Variants in TEX10 observed in about 807,000 individuals in gnomAD.
TEX10 encodes the protein testis expressed 10.
In TEX10, 24 loss-of-function variants were observed where a neutral mutation model predicts 104.4. The observed-to-expected ratio is 0.23, with a 90% CI of 0.17 to 0.32. The LOEUF (loss-of-function observed/expected upper bound fraction) is 0.32, where lower values mean the gene tolerates loss of function less well. TEX10 is among the 10% of genes least tolerant of loss of function. The pLI is 1.00. For missense variants in TEX10, 921 were observed against 1,083.9 expected, an observed-to-expected ratio of 0.85 and a Z score of 2.11; for synonymous variants, 396 against 393.4, an observed-to-expected ratio of 1.01 and a Z score of -0.08.
Position 100,303,696 on chromosome 9 carries a change from G to A in TEX10, c.2612C>T (p.Ala871Val), listed in dbSNP as rs1247615045. 3 of 1,614,036 alleles carry A rather than the reference G, an allele frequency of 1.9e-6. No individual in the cohort carries two copies. The South Asian group carries it at 3.3e-5, about 18-fold the overall frequency. Residue 871 changes from alanine (A) to valine (V), a missense_variant, in exon 14 of 15, where the codon GCA (alanine) becomes GTA (valine). By Grantham distance (64) the Ala-to-Val change is moderately conservative. Coordinates refer to ENST00000374902, the MANE Select transcript of TEX10 (RefSeq NM_017746.4). ...GGTCAACATATGAGTCCTGAGGGGT[G>A]CATGCTGAAGCAGCAGTCGAAGCAG... ...GQLLRLLLQHAPLRTHMLTNA... is the reference protein window; with the variant it reads ...GQLLRLLLQHVPLRTHMLTNA...
chr9:100,346,680 G>T lies in TEX10; in HGVS notation c.893+14C>A. On this transcript the variant is annotated intron_variant, in intron 3 of 14. Coordinates refer to ENST00000374902, the MANE Select transcript of TEX10 (RefSeq NM_017746.4). ...ACAGCAAAACTGTGTGGACATAACTGAAATCCTTCTTACCGTAGCCTGAAC... is the reference window on the plus strand; with the variant it reads ...ACAGCAAAACTGTGTGGACATAACTTAAATCCTTCTTACCGTAGCCTGAAC... 6.3e-7 allele frequency: 1 copy of T among 1,593,478 alleles called. No homozygotes were observed. The highest frequency in any genetic ancestry group is 8.5e-7 in the Non-Finnish European group (1 of 1,169,998).
chr9:100,306,941 T>A (rs1230185829), intron 13 of TEX10: 1 of 152,178 alleles, frequency 6.6e-6, no homozygotes, highest in African/African-American at 2.4e-5. Flanking sequence ...AAATAACAAA[T>A]AGCAATACAC....
In TEX10 at chr9:100,302,217, G is replaced by A. The variant is rs369754553; in HGVS notation, c.2764C>T (p.Pro922Ser). 8.1e-6 allele frequency: 13 copies of A among 1,612,044 alleles called. No individual in the cohort carries two copies. The highest frequency in any genetic ancestry group is 1.0e-5 in the Non-Finnish European group (12 of 1,178,714). Residue 922 changes from proline to serine, a missense_variant, in exon 15 of 15, where the codon CCC becomes TCC. Physicochemically the swap from Pro to Ser is moderately conservative, Grantham distance 74. Coordinates refer to ENST00000374902, the MANE Select transcript of TEX10 (RefSeq NM_017746.4). ...CAATACACTGTAGCCAGTGCACTGG[G>A]CCCTTGGGGATGCCCAGTGATATAC... ...NVYITGHPQG[P>S]SALATVY
intron 13 of TEX10, chr9:100,304,957 AG>A (rs1371068639): frequency 6.6e-6 from 1 of 152,246 alleles, no homozygotes; most frequent in African/African-American, 2.4e-5. Context: ...ATTAAACTTA[AG>A]AACAAGAGAA....
chr9:100,348,104 T>C (rs1369921567), intron 2 of TEX10, among the ~76,000 whole-genome samples: 2 of 152,238 alleles, frequency 1.3e-5, no homozygotes, highest in South Asian at 2.1e-4. Flanking sequence ...TTCTGATATA[T>C]GCTACAAGCT....
At position 100,302,145 on chromosome 9, in the gene TEX10, G is replaced by GAT. The variant is rs1564198742; in HGVS notation, c.*44_*45dup. ...TACATCAGTCTTTTTCTTCAAATAA[G>GAT]ATAGATGTGAATAAACAACTTCAAA... On this transcript the variant is annotated 3_prime_UTR_variant, in exon 15 of 15. Transcript: ENST00000374902. The GAT allele has an allele frequency of 1.7e-6, 2 of 1,153,126 alleles. No individual in the cohort carries two copies. The highest frequency in any genetic ancestry group is 2.5e-6 in the Non-Finnish European group (2 of 813,686). 71.4% of individuals were successfully genotyped at this position (1,153,126 alleles called of 1,614,324 possible). A position where few individuals can be genotyped will look rare whatever the true frequency, so the allele number is the denominator to read the frequency against.
chr9:100,316,894 T>TTA (rs1554734890), intron 11 of TEX10, among the ~76,000 whole-genome samples: 1 of 53,466 alleles, frequency 1.9e-5, no homozygotes, highest in African/African-American at 7.9e-5. Flanking sequence ...TTATAATAGC[T>TTA]AAAAAAAAAA....
intron 13 of TEX10, chr9:100,305,722 G>A (rs1005225873): frequency 3.9e-5 from 6 of 152,240 alleles, no homozygotes; most frequent in African/African-American, 1.4e-4. Flanking sequence ...AAAACTGTAT[G>A]TGGGATTTTA....
At chr9:100,343,825 C>G (rs765124879) in intron 4 of TEX10, among the ~76,000 whole-genome samples, 4 of 152,106 alleles carry the variant, frequency 2.6e-5, no homozygotes, top group Non-Finnish European at 5.9e-5. Flanking sequence ...ACATCAATGC[C>G]AAGCAATGCT....
rs1263970289 is a variant in TEX10 at position 100,352,509 on chromosome 9, G to A, written c.-10+263C>T. ...AAGTGGGGCCCGATTCACACACTCCGGGCTAAAACTCTCTCGGACCCGAAA... is the reference window on the plus strand; with the variant it reads ...AAGTGGGGCCCGATTCACACACTCCAGGCTAAAACTCTCTCGGACCCGAAA... On this transcript the variant is annotated intron_variant, in intron 1 of 14. Coordinates refer to ENST00000374902, the MANE Select transcript of TEX10 (RefSeq NM_017746.4). The A allele has an allele frequency of 1.9e-6, 3 of 1,550,862 alleles. No individual in the cohort carries two copies. The East Asian group carries it at 7.3e-5, about 38-fold the overall frequency.
chr9:100,349,367 C>A lies in TEX10; in HGVS notation c.-4G>T. The stretch of plus-strand genomic sequence containing the variant: ...GGCGTTTTCTTTTTTTAGTCATTCT[C>A]GACTACTATAATGAAAAGAATTAAT... On this transcript the variant is annotated 5_prime_UTR_variant, in exon 2 of 15. Transcript: ENST00000374902. The A allele has an allele frequency of 1.3e-6, 2 of 1,560,430 alleles. No individual in the cohort carries two copies. Among genetic ancestry groups the A allele is most frequent in the South Asian group, 1.2e-5 (1 of 82,178 alleles).
At chr9:100,310,623 A>G (rs1834254691) in intron 11 of TEX10, among the ~76,000 whole-genome samples, 1 of 152,024 alleles carries the variant, frequency 6.6e-6, no homozygotes, top group Admixed American at 6.6e-5. Flanking sequence ...TTCTTAGTAG[A>G]GATGGGGTTC....
intron 14 of TEX10, 124 bp downstream of exon 14, chr9:100,303,508 G>T (rs1190190508): frequency 2.8e-6 from 3 of 1,058,592 alleles, no homozygotes; most frequent in South Asian, 1.4e-5. Flanking sequence ...ACCATATTGG[G>T]ATTAATTCCT....
At chr9:100,310,242 A>G in intron 12 of TEX10, 57 bp downstream of exon 12, 4 of 1,431,338 alleles carry the variant, frequency 2.8e-6, no homozygotes, top group South Asian at 1.2e-5. Context: ...GGAAAACTCT[A>G]TTCTAACCAA....
intron 7 of TEX10, among the ~76,000 whole-genome samples, chr9:100,328,706 T>A (rs918169669): frequency 6.6e-6 from 1 of 152,206 alleles, no homozygotes; most frequent in Admixed American, 6.5e-5. Context: ...TATTGAAAAA[T>A]TCCTTAGTCC....
intron 14 of TEX10, 90 bp from the exon 15 acceptor site, chr9:100,302,394 G>C (rs1834010989): frequency 3.5e-6 from 3 of 850,186 alleles, no homozygotes; most frequent in African/African-American, 1.7e-5. Flanking sequence ...CAATTTCCCA[G>C]AGCTTTGGCA....
Position 100,346,179 on chromosome 9 carries a change from C to A in TEX10, c.1030G>T (p.Val344Phe). 6.2e-7 allele frequency: 1 copy of A among 1,614,018 alleles called. No homozygotes were observed. Among genetic ancestry groups the A allele is most frequent in the Non-Finnish European group, 8.5e-7 (1 of 1,179,940 alleles). ...EAVPPQLATP[V>F]GNGIEREPLQ... ...GGTTCTCGTTCTATACCATTCCCAA[C>A]AGGAGTAGCTAGTTGTGGAGGTACA... Residue 344 changes from valine to phenylalanine, a missense_variant, in exon 4 of 15, where the codon GTT becomes TTT. Physicochemically the swap from Val to Phe is conservative, Grantham distance 50. Around this residue, in one of 3 missense-constraint regions of TEX10, gnomAD observed 753 missense variants for 868.4 expected, o/e 0.87. Coordinates refer to ENST00000374902, the MANE Select transcript of TEX10 (RefSeq NM_017746.4).
At position 100,347,458 on chromosome 9, in the gene TEX10, T is replaced by C. The variant is rs763035204; in HGVS notation, c.181-52A>G. The C allele has an allele frequency of 4.2e-6, 6 of 1,414,044 alleles. No homozygotes were observed. In the South Asian group the frequency reaches 9.1e-5, roughly 21 times the overall value. 87.6% of individuals were successfully genotyped at this position (1,414,044 alleles called of 1,614,324 possible). ...TGTATACTTATATACATGTATCAAT[T>C]TCACGTAAACATGCTAACTAACACT... On this transcript the variant is annotated intron_variant, in intron 2 of 14. Transcript: ENST00000374902.
In TEX10 at chr9:100,303,814, T is replaced by C. The variant is rs369760061; in HGVS notation, c.2494A>G (p.Ile832Val). The change falls in exon 14 of 15, where the codon ATC (isoleucine) becomes GTC (valine). Residue 832 changes from isoleucine (I) to valine (V), a missense_variant. Physicochemically the swap from Ile to Val is conservative, Grantham distance 29 (BLOSUM62 3). Around this residue, in one of 3 missense-constraint regions of TEX10, gnomAD observed 753 missense variants for 868.4 expected, o/e 0.87. Transcript: ENST00000374902. The part of the protein sequence containing the change: ...RDKLWGVCVS[I>V]LALLPRVLRL... ...AGGACTCGAGGCAAGAGAGCCAGGA[T>C]GGAGACACAGACCCCCCACAGCTTG... 2 of 1,613,856 alleles carry C rather than the reference T, an allele frequency of 1.2e-6. No homozygotes were observed. The highest frequency in any genetic ancestry group is 1.7e-5 in the Admixed American group (1 of 59,986).
Sources: gnomAD v4.1 joint callset for allele counts (sites outside exome capture counted in the v4.1 genomes callset) on GRCh38, gnomAD v4.1.1 for gene constraint, gnomAD v4.1.1 regional missense constraint, MANE v1.5 for transcripts, NCBI Gene and HGNC (gene_info 2026-07-23, HGNC 2026-07-21) for gene names.